PHB1: variants seen among roughly 807,000 people sequenced by gnomAD.
The protein encoded by PHB1 is prohibitin 1, also known as epididymis luminal protein 215.
At chr17:49,406,581 T>C in the PHB1 span, among the ~76,000 whole-genome samples, 2 of 152,334 alleles carry the variant, frequency 1.3e-5, no homozygotes, top group East Asian at 1.9e-4. Flanking sequence ...CACATATCCT[T>C]GACTAGCCCC....
At chr17:49,414,806 C>G in the PHB1 span, 1 of 152,388 alleles carries the variant, frequency 6.6e-6, no homozygotes, top group Non-Finnish European at 1.5e-5. Flanking sequence ...TGCCCAGAAA[C>G]GAGCCTTTGC....
chr17:49,409,479 G>T, the PHB1 span: 3 of 1,613,040 alleles, frequency 1.9e-6, no homozygotes, highest in African/African-American at 4.0e-5. Flanking sequence ...TAAATCTTAG[G>T]GTAGGGGACA....
chr17:49,411,575 A>G, the PHB1 span: 1 of 1,025,360 alleles, frequency 9.8e-7, no homozygotes, highest in East Asian at 2.4e-5. Context: ...GTACAGTTCA[A>G]ACTCTTTTGG....
the PHB1 span, among the ~76,000 whole-genome samples, chr17:49,411,403 G>C: frequency 6.6e-6 from 1 of 152,080 alleles, no homozygotes; most frequent in South Asian, 2.1e-4. Context: ...TCACCACATT[G>C]GCCAGGCTGG....
At chr17:49,413,261 C>A in the PHB1 span, 1 of 1,605,680 alleles carries the variant, frequency 6.2e-7, no homozygotes, top group South Asian at 1.1e-5. Flanking sequence ...ACTTTGGCAG[C>A]CATGTTTCCT....
chr17:49,413,382 G>A, the PHB1 span: 1 of 699,870 alleles, frequency 1.4e-6, no homozygotes, highest in African/African-American at 1.8e-5. Flanking sequence ...TTTCAACCTG[G>A]CTATTTATTT....
At chr17:49,413,212 A>G in the PHB1 span, 1 of 1,612,746 alleles carries the variant, frequency 6.2e-7, no homozygotes. Flanking sequence ...GCCTCCTGCA[A>G]CAGCTAAGGC....
chr17:49,406,819 C>A, the PHB1 span: 2 of 1,613,810 alleles, frequency 1.2e-6, no homozygotes, highest in Non-Finnish European at 8.5e-7. Context: ...TGGCTTCCAC[C>A]GCTTCTGTGA....
the PHB1 span, chr17:49,411,787 G>C: frequency 3.7e-6 from 6 of 1,614,042 alleles, no homozygotes; most frequent in Non-Finnish European, 5.1e-6. Context: ...CTACCACAAT[G>C]TCCTGCACTC....
At chr17:49,413,075 A>G in the PHB1 span, 1 of 838,206 alleles carries the variant, frequency 1.2e-6, no homozygotes, top group South Asian at 1.5e-5. Context: ...CCACAAACAC[A>G]TTCACTGACG....
the PHB1 span, chr17:49,413,421 A>T: frequency 1.7e-6 from 1 of 602,884 alleles, no homozygotes. Flanking sequence ...TAAATCATCC[A>T]TTGAAGGATA....
At chr17:49,409,740 A>G in the PHB1 span, among the ~76,000 whole-genome samples, 1 of 151,958 alleles carries the variant, frequency 6.6e-6, no homozygotes, top group South Asian at 2.1e-4. Context: ...GGGTGTCACC[A>G]TGTTAGGCTG....
chr17:49,413,390 T>C, the PHB1 span: 2 of 679,596 alleles, frequency 2.9e-6, no homozygotes, highest in South Asian at 3.3e-5. Context: ...TGGCTATTTA[T>C]TTCCCCATTC....
At chr17:49,409,129 G>T in the PHB1 span, 1 of 1,614,044 alleles carries the variant, frequency 6.2e-7, no homozygotes, top group Non-Finnish European at 8.5e-7. Flanking sequence ...GCTCTCTCTG[G>T]GTGATTAGTT....
At chr17:49,409,036 T>C in the PHB1 span, 4 of 1,572,230 alleles carry the variant, frequency 2.5e-6, no homozygotes, top group Admixed American at 7.3e-5. Context: ...TCCCGAAGGA[T>C]CTTACCAAGG....
the PHB1 span, among the ~76,000 whole-genome samples, chr17:49,414,563 C>G: frequency 6.6e-6 from 1 of 152,170 alleles, no homozygotes; most frequent in Non-Finnish European, 1.5e-5. Context: ...CTACCCTGAT[C>G]TCGTCCAGTG....
chr17:49,413,512 C>CTTT, the PHB1 span, among the ~76,000 whole-genome samples: 1 of 124,788 alleles, frequency 8.0e-6, no homozygotes, highest in Admixed American at 8.0e-5. Context: ...CTTTTCTTTC[C>CTTT]TTTTTTTTTT....
chr17:49,410,070 C>A, the PHB1 span, among the ~76,000 whole-genome samples: 1 of 151,326 alleles, frequency 6.6e-6, no homozygotes, highest in Non-Finnish European at 1.5e-5. Flanking sequence ...TTTTGTAGAG[C>A]TGGGGTTTCG....
chr17:49,411,915 C>A, the PHB1 span: 3 of 1,372,620 alleles, frequency 2.2e-6, no homozygotes, highest in Non-Finnish European at 2.0e-6. Context: ...TTTGAAAGAG[C>A]CCTGGTGCTT....
Sources: allele counts gnomAD v4.1 joint callset (sites outside exome capture counted in the v4.1 genomes callset), GRCh38; gene constraint gnomAD v4.1.1; transcripts MANE v1.5; gene names NCBI Gene and HGNC (gene_info 2026-07-23, HGNC 2026-07-21).